Variants in DCC observed in about 807,000 individuals in gnomAD.
DCC encodes the protein netrin receptor DCC.
A neutral mutation model predicts 172.5 loss-of-function variants in DCC; 58 were observed. That is an observed-to-expected ratio of 0.34 (90% CI 0.27 to 0.42). The LOEUF is 0.42. Among genes scored for constraint, DCC ranks in the 10% least tolerant of loss-of-function variants. DCC has a pLI of 1.00. For synonymous variants in DCC, 709 were observed against 644.5 expected, an observed-to-expected ratio of 1.10 and a Z score of -1.52; for missense variants, 1,740 against 1,791.0, an observed-to-expected ratio of 0.97 and a Z score of 0.51.
At chr18:52,802,643 CTTTTTTTTTTTTTTTTTTTTTT>C (rs776080029) in intron 2 of DCC, among the ~76,000 whole-genome samples, 28 of 38,206 alleles carry the variant, frequency 7.3e-4, no homozygotes, top group East Asian at 2.5e-3. Context: ...CACGCCAAGC[CTTTTTTTTTTTTTTTTTTTTTT>C]TTTTTTTTTT....
intron 12 of DCC, among the ~76,000 whole-genome samples, chr18:53,244,823 T>G (rs192371359): frequency 2.0e-5 from 3 of 152,234 alleles, no homozygotes; most frequent in South Asian, 2.1e-4. Context: ...TAATTTATCT[T>G]TACCCCAGAA....
intron 1 of DCC, among the ~76,000 whole-genome samples, chr18:52,382,281 A>G (rs572309084): frequency 4.0e-4 from 61 of 152,144 alleles, no homozygotes; most frequent in Non-Finnish European, 7.6e-4. Context: ...AAACACCAAG[A>G]AACTCAGAAC....
At chr18:53,245,290 T>A (rs1342392604) in intron 12 of DCC, among the ~76,000 whole-genome samples, 1 of 152,100 alleles carries the variant, frequency 6.6e-6, no homozygotes, top group Non-Finnish European at 1.5e-5. Context: ...GGAATCTAAG[T>A]CCGATAAAAT....
At chr18:53,109,662 A>G (rs1170833692) in intron 7 of DCC, among the ~76,000 whole-genome samples, 2 of 149,578 alleles carry the variant, frequency 1.3e-5, no homozygotes, top group African/African-American at 4.9e-5. Context: ...ACCCCAGGCA[A>G]TTTTCGTCTG....
intron 12 of DCC, among the ~76,000 whole-genome samples, chr18:53,239,967 G>A (rs1305205625): frequency 2.1e-5 from 3 of 145,670 alleles, no homozygotes; most frequent in Admixed American, 1.4e-4. Context: ...TTTTGTTAGA[G>A]GAGAATGGTG....
intron 17 of DCC, among the ~76,000 whole-genome samples, chr18:53,393,158 T>A (rs1435329523): frequency 1.6e-4 from 2 of 12,240 alleles, no homozygotes; most frequent in Non-Finnish European, 1.5e-3. Flanking sequence ...TTCGAGGATG[T>A]TTTTTAACCC....
At chr18:52,847,971 T>C (rs1199692613) in intron 2 of DCC, among the ~76,000 whole-genome samples, 1 of 152,176 alleles carries the variant, frequency 6.6e-6, no homozygotes, top group Non-Finnish European at 1.5e-5. Context: ...TTTGTGCCTA[T>C]TGATTATTTA....
chr18:52,526,523 A>G (rs2031985517), intron 1 of DCC, among the ~76,000 whole-genome samples: 1 of 151,998 alleles, frequency 6.6e-6, no homozygotes, highest in Non-Finnish European at 1.5e-5. Flanking sequence ...AGAATGCAGA[A>G]ACCAATAGAT....
chr18:53,323,771 T>A (rs1241748363), intron 14 of DCC, among the ~76,000 whole-genome samples: 1 of 152,040 alleles, frequency 6.6e-6, no homozygotes, highest in African/African-American at 2.4e-5. Flanking sequence ...ACCTGAAGGA[T>A]GAATAAGAAT....
At chr18:53,020,030 G>A (rs973263646) in intron 5 of DCC, among the ~76,000 whole-genome samples, 8 of 152,032 alleles carry the variant, frequency 5.3e-5, no homozygotes, top group Admixed American at 4.6e-4. Context: ...ATAAGAAATG[G>A]GAAATGATGG....
At chr18:53,020,129 A>G (rs953358888) in intron 5 of DCC, among the ~76,000 whole-genome samples, 4 of 152,164 alleles carry the variant, frequency 2.6e-5, no homozygotes, top group Non-Finnish European at 5.9e-5. Flanking sequence ...TAGATTGTAG[A>G]CCATGTATTG....
chr18:53,480,728 G>C (rs921915281), intron 25 of DCC: 1 of 151,906 alleles, frequency 6.6e-6, no homozygotes, highest in Non-Finnish European at 1.5e-5. Context: ...TCATAAAATC[G>C]GTACTCCATT....
intron 2 of DCC, among the ~76,000 whole-genome samples, chr18:52,827,144 T>C (rs896334040): frequency 7.9e-5 from 12 of 152,152 alleles, no homozygotes; most frequent in African/African-American, 2.7e-4. Context: ...AGCCAGGGCC[T>C]GGAGGGGGCC....
intron 1 of DCC, among the ~76,000 whole-genome samples, chr18:52,536,008 T>C (rs2032278463): frequency 6.6e-6 from 1 of 151,958 alleles, no homozygotes; most frequent in African/African-American, 2.4e-5. Context: ...ACACTGAGAA[T>C]GGAAGAAAAG....
intron 1 of DCC, among the ~76,000 whole-genome samples, chr18:52,601,379 A>G (rs1277729713): frequency 1.3e-5 from 2 of 151,922 alleles, no homozygotes; most frequent in African/African-American, 2.4e-5. Flanking sequence ...TGAAGTGGTT[A>G]TAGATTTTCT....
chr18:52,780,284 T>C (rs2037512870), intron 2 of DCC, among the ~76,000 whole-genome samples: 1 of 152,200 alleles, frequency 6.6e-6, no homozygotes, highest in African/African-American at 2.4e-5. Flanking sequence ...TTCTAATACC[T>C]TAGCTTGACA....
chr18:52,636,401 T>C (rs2034781587), intron 1 of DCC, among the ~76,000 whole-genome samples: 1 of 151,924 alleles, frequency 6.6e-6, no homozygotes, highest in South Asian at 2.1e-4. Flanking sequence ...AACCAAGCCC[T>C]TTACTTTAGC....
chr18:52,539,380 C>T (rs983844954), intron 1 of DCC, among the ~76,000 whole-genome samples: 6 of 152,090 alleles, frequency 3.9e-5, no homozygotes, highest in South Asian at 2.1e-4. Flanking sequence ...ACCCCCAGGC[C>T]GTGGACTAGT....
At chr18:52,737,061 G>T (rs1161203419) in intron 1 of DCC, among the ~76,000 whole-genome samples, 1 of 152,260 alleles carries the variant, frequency 6.6e-6, no homozygotes, top group African/African-American at 2.4e-5. Context: ...CATTCAAGGG[G>T]ACTTGCTGTT....
Sources: gnomAD v4.1 joint callset for allele counts (sites outside exome capture counted in the v4.1 genomes callset) on GRCh38, gnomAD v4.1.1 for gene constraint, MANE v1.5 for transcripts, NCBI Gene and HGNC (gene_info 2026-07-23, HGNC 2026-07-21) for gene names.